Variants in SH3PXD2A observed in about 807,000 individuals in gnomAD.
SH3PXD2A encodes SH3 and PX domains 2A.
A neutral mutation model predicts 115.2 loss-of-function variants in SH3PXD2A; 32 were observed. That is an observed-to-expected ratio of 0.28 (90% CI 0.21 to 0.37). SH3PXD2A has a LOEUF of 0.37. SH3PXD2A is among the 10% of genes least tolerant of loss of function. The pLI is 1.00. For synonymous variants in SH3PXD2A, 610 were observed against 629.1 expected (o/e 0.97, Z 0.45); for missense variants, 1,328 against 1,498.7 (o/e 0.89, Z 1.88).
chr10:103,851,398 C>T (rs1268915104), intron 1 of SH3PXD2A, among the ~76,000 whole-genome samples: 1 of 152,176 alleles, frequency 6.6e-6, no homozygotes, highest in Non-Finnish European at 1.5e-5. Flanking sequence ...ACCTGCAGGG[C>T]ACATGGTAGA....
intron 5 of SH3PXD2A, among the ~76,000 whole-genome samples, chr10:103,709,759 G>A (rs1246838738): frequency 6.6e-6 from 1 of 152,210 alleles, no homozygotes; most frequent in Non-Finnish European, 1.5e-5. Context: ...AAACTAGGGG[G>A]AAATGACAAC....
chr10:103,773,943 C>T (rs1222082167), intron 2 of SH3PXD2A, among the ~76,000 whole-genome samples: 1 of 152,170 alleles, frequency 6.6e-6, no homozygotes. Context: ...CTATGTTGCC[C>T]TGGCTGATCT....
chr10:103,633,011 A>C (rs1461157116), intron 8 of SH3PXD2A, among the ~76,000 whole-genome samples: 3 of 151,884 alleles, frequency 2.0e-5, no homozygotes, highest in South Asian at 2.1e-4. Flanking sequence ...GCCAAAAAAA[A>C]CCAAAAAACA....
rs6144056 is a variant in SH3PXD2A at position 103,702,596 on chromosome 10, C to CGTGTGTGTGTGTGTGTGTGTGTGTGTGT, written c.399-9541_399-9540insACACACACACACACACACACACACACAC. ...GAACAGATGTAAGCCTGTGTGTGTGCGTGTGTGTGTGTGTGTGCATGCTGG... is the reference window on the plus strand; with the variant it reads ...GAACAGATGTAAGCCTGTGTGTGTGCGTGTGTGTGTGTGTGTGTGTGTGTGTGTGTGTGTGTGTGTGTGTGCATGCTGG... On this transcript the variant is annotated intron_variant, in intron 5 of 14. Coordinates refer to ENST00000369774, the MANE Select transcript of SH3PXD2A (RefSeq NM_001394015.1). Among the ~76,000 whole-genome samples, 157 of 147,558 alleles carry CGTGTGTGTGTGTGTGTGTGTGTGTGTGT rather than the reference C, an allele frequency of 1.1e-3. 2 individuals are homozygous for CGTGTGTGTGTGTGTGTGTGTGTGTGTGT. The highest frequency in any genetic ancestry group is 4.3e-3 in the East Asian group (21 of 4,884).
intron 1 of SH3PXD2A, among the ~76,000 whole-genome samples, chr10:103,803,882 T>C (rs1399873901): frequency 6.6e-6 from 1 of 152,124 alleles, no homozygotes; most frequent in Admixed American, 6.5e-5. Flanking sequence ...ATACAATACA[T>C]CAATCAATAC....
At chr10:103,725,145 GA>G (rs2038224926) in intron 4 of SH3PXD2A, among the ~76,000 whole-genome samples, 1 of 152,216 alleles carries the variant, frequency 6.6e-6, no homozygotes, top group African/African-American at 2.4e-5. Flanking sequence ...AGTTCTGAAG[GA>G]TGGATAACAA....
chr10:103,709,480 C>T (rs2038021902), intron 5 of SH3PXD2A, among the ~76,000 whole-genome samples: 1 of 152,216 alleles, frequency 6.6e-6, no homozygotes, highest in African/African-American at 2.4e-5. Context: ...GGAGAGGCTG[C>T]TCCGATGACT....
At chr10:103,816,119 G>C (rs1480202095) in intron 1 of SH3PXD2A, among the ~76,000 whole-genome samples, 1 of 152,074 alleles carries the variant, frequency 6.6e-6, no homozygotes, top group Non-Finnish European at 1.5e-5. Flanking sequence ...TTGCATGCAA[G>C]AGGTATGCCC....
chr10:103,685,086 C>G (rs576658070), intron 6 of SH3PXD2A, among the ~76,000 whole-genome samples: 67 of 152,138 alleles, frequency 4.4e-4, no homozygotes, highest in African/African-American at 1.5e-3. Context: ...ACCTGTAATC[C>G]CAGCACTTTG....
chr10:103,803,891 A>G (rs1250712101), intron 1 of SH3PXD2A, among the ~76,000 whole-genome samples: 1 of 152,196 alleles, frequency 6.6e-6, no homozygotes, highest in African/African-American at 2.4e-5. Context: ...ATCAATCAAT[A>G]CATATAAGAT....
chr10:103,702,585 C>CTGTGTGTATGCGTGTG (rs2037928329), intron 5 of SH3PXD2A, among the ~76,000 whole-genome samples: 2 of 33,002 alleles, frequency 6.1e-5, no homozygotes, highest in African/African-American at 2.1e-4. Context: ...AGATGTAAGC[C>CTGTGTGTATGCGTGTG]TGTGTGTGTG....
chr10:103,656,359 T>C (rs1432313405), intron 8 of SH3PXD2A, among the ~76,000 whole-genome samples: 1 of 152,196 alleles, frequency 6.6e-6, no homozygotes, highest in Non-Finnish European at 1.5e-5. Context: ...GATTCAAACT[T>C]CGAATTCTGA....
chr10:103,755,944 C>T (rs2038635737), intron 3 of SH3PXD2A, among the ~76,000 whole-genome samples: 1 of 152,212 alleles, frequency 6.6e-6, no homozygotes, highest in Admixed American at 6.5e-5. Context: ...CTGTCCCTGA[C>T]AGGTAGAGAA....
At chr10:103,830,218 T>A (rs990349470) in intron 1 of SH3PXD2A, among the ~76,000 whole-genome samples, 11 of 152,344 alleles carry the variant, frequency 7.2e-5, no homozygotes, top group Middle Eastern at 3.4e-3. Flanking sequence ...GGGTTTCTGG[T>A]CCTATCAGTG....
chr10:103,609,337 G>GT (rs1243035603), intron 13 of SH3PXD2A: 1 of 152,188 alleles, frequency 6.6e-6, no homozygotes, highest in Non-Finnish European at 1.5e-5. Context: ...CTAGTCTGGG[G>GT]TGTGTGTGTA....
At chr10:103,626,913 C>T (rs1026060966) in intron 9 of SH3PXD2A, among the ~76,000 whole-genome samples, 176 bp downstream of exon 9, 19 of 152,148 alleles carry the variant, frequency 1.2e-4, no homozygotes, top group African/African-American at 3.9e-4. Context: ...CAGCAGGGGT[C>T]GGACTGGGGT....
chr10:103,831,817 C>T (rs1334313250), intron 1 of SH3PXD2A, among the ~76,000 whole-genome samples: 2 of 152,164 alleles, frequency 1.3e-5, no homozygotes, highest in African/African-American at 2.4e-5. Flanking sequence ...ATTCTCCATT[C>T]CTCAATACTT....
chr10:103,694,624 A>G (rs1460419411), intron 5 of SH3PXD2A, among the ~76,000 whole-genome samples: 1 of 152,042 alleles, frequency 6.6e-6, no homozygotes, highest in Admixed American at 6.5e-5. Flanking sequence ...GTCTCCTTCA[A>G]TCCTCTCACC....
intron 3 of SH3PXD2A, among the ~76,000 whole-genome samples, chr10:103,757,701 C>T (rs1260781994): frequency 6.6e-6 from 1 of 152,224 alleles, no homozygotes; most frequent in Admixed American, 6.5e-5. Context: ...GGAGGGTCTG[C>T]AGCTCGGAGT....
Sources: gnomAD v4.1 joint callset for allele counts (sites outside exome capture counted in the v4.1 genomes callset) on GRCh38, gnomAD v4.1.1 for gene constraint, MANE v1.5 for transcripts, NCBI Gene and HGNC (gene_info 2026-07-23, HGNC 2026-07-21) for gene names.